DPF2: variants seen among roughly 807,000 people sequenced by gnomAD.
DPF2 encodes the protein double PHD fingers 2, also known as zinc finger protein ubi-d4.
In DPF2, 10 loss-of-function variants were observed where a neutral mutation model predicts 59.6. The ratio of observed to expected loss-of-function variants is 0.17; its 90% CI spans 0.10 to 0.28. DPF2 has a LOEUF of 0.28. Ranked by LOEUF, DPF2 falls within the 10% of genes least tolerant of loss-of-function variation. DPF2 has a pLI of 1.00. For missense variants in DPF2, 315 were observed against 509.4 expected, an observed-to-expected ratio of 0.62 and a Z score of 3.67; for synonymous variants, 189 against 190.6, an observed-to-expected ratio of 0.99 and a Z score of 0.07.
At chr11:65,341,208 A>G in intron 3 of DPF2, 135 bp downstream of exon 3, 1 of 1,250,798 alleles carries the variant, frequency 8.0e-7, no homozygotes. Context: ...TCCTTTAAGG[A>G]CCTCAGTCTA....
chr11:65,346,397 T>G (rs546882461), intron 9 of DPF2, 38 bp downstream of exon 9: 7 of 1,582,704 alleles, frequency 4.4e-6, no homozygotes, highest in Admixed American at 3.4e-5. Context: ...TGGCTCCTTC[T>G]GGGCTTTTAC....
chr11:65,345,318 A>G (rs983671600), intron 6 of DPF2: 3 of 250,290 alleles, frequency 1.2e-5, no homozygotes, highest in African/African-American at 6.6e-5. Context: ...ATATAGGAAT[A>G]TCCTTCCCTT....
intron 1 of DPF2, among the ~76,000 whole-genome samples, chr11:65,337,033 A>T (rs1416881571): frequency 6.6e-6 from 1 of 152,180 alleles, no homozygotes; most frequent in Non-Finnish European, 1.5e-5. Context: ...ACACCACTGC[A>T]CTCCAGCCCA....
chr11:65,338,101 TTTTTTA>T (rs1590930385), intron 1 of DPF2, among the ~76,000 whole-genome samples: 1 of 152,104 alleles, frequency 6.6e-6, no homozygotes, highest in African/African-American at 2.4e-5. Context: ...GCGCCAGGCC[TTTTTTA>T]TTTTTATTTT....
chr11:65,337,498 TATATATA>T (rs1854217638), intron 1 of DPF2, among the ~76,000 whole-genome samples: 2 of 48,030 alleles, frequency 4.2e-5, no homozygotes, highest in African/African-American at 1.7e-4. Context: ...TATATATATA[TATATATA>T]GAGAGAGAGA....
chr11:65,340,337 T>C, intron 1 of DPF2, 48 bp from the exon 2 acceptor site: 2 of 1,601,166 alleles, frequency 1.2e-6, no homozygotes, highest in Non-Finnish European at 1.7e-6. Flanking sequence ...CTCAGCACCC[T>C]ATGCCCCCCG....
intron 6 of DPF2, chr11:65,344,734 G>A: frequency 8.3e-7 from 1 of 1,211,792 alleles, no homozygotes; most frequent in Non-Finnish European, 1.2e-6. Context: ...CTCTGGAATG[G>A]CATGGGGGTA....
rs1053469725 is a variant in DPF2 at position 65,348,996 on chromosome 11, C to A, written c.1099+65C>A. ...TTAGTTACTTGGAAAATACTGAGTT[C>A]TATGTTCTTTATGTTATCACTTACA... is the stretch of plus-strand genomic sequence containing the variant. On this transcript the variant is annotated intron_variant, in intron 10 of 10. Coordinates refer to ENST00000528416, the MANE Select transcript of DPF2 (RefSeq NM_006268.5). 1.3e-5 allele frequency: 21 copies of A among 1,561,502 alleles called. No individual in the cohort carries two copies. In the East Asian group the frequency reaches 3.6e-4, roughly 27 times the overall value.
chr11:65,337,492 T>TAG (rs1854213357), intron 1 of DPF2, among the ~76,000 whole-genome samples: 2 of 67,418 alleles, frequency 3.0e-5, no homozygotes, highest in Non-Finnish European at 5.6e-5. Context: ...TATATATATA[T>TAG]ATATATATAT....
chr11:65,344,115 C>T (rs1223988431), intron 6 of DPF2, 46 bp downstream of exon 6: 2 of 1,587,574 alleles, frequency 1.3e-6, no homozygotes, highest in Non-Finnish European at 1.7e-6. Context: ...TTGGACCCAG[C>T]TCCTGCTCTG....
intron 1 of DPF2, among the ~76,000 whole-genome samples, chr11:65,337,047 G>A (rs570117566): frequency 1.3e-5 from 2 of 152,272 alleles, no homozygotes; most frequent in African/African-American, 4.8e-5. Flanking sequence ...CAGCCCAGGC[G>A]ACAGAGCGAG....
chr11:65,350,022 G>A (rs1047188682), intron 10 of DPF2, among the ~76,000 whole-genome samples: 2 of 152,204 alleles, frequency 1.3e-5, no homozygotes, highest in African/African-American at 4.8e-5. Flanking sequence ...CTGTAGGGGA[G>A]TACTCAGCTT....
In DPF2 at chr11:65,351,874, G is replaced by A; in HGVS notation, c.*115G>A. ...TCCTTCACAAATCCAGAGAACCTTG[G>A]GGTGGTTGTGCCAGCCTGCCTTTGG... On this transcript the variant is annotated 3_prime_UTR_variant, in exon 11 of 11. Transcript: ENST00000528416. The A allele has an allele frequency of 1.6e-6, 2 of 1,244,196 alleles. No individual in the cohort carries two copies. Among genetic ancestry groups the A allele is most frequent in the Non-Finnish European group, 2.3e-6 (2 of 884,086 alleles). 77.1% of individuals were successfully genotyped at this position (1,244,196 alleles called of 1,614,324 possible). A position where few individuals can be genotyped will look rare whatever the true frequency, so the allele number is the denominator to read the frequency against.
In DPF2 at chr11:65,351,889, C is replaced by A; in HGVS notation, c.*130C>A. 1 of 1,085,704 alleles carries A rather than the reference C, an allele frequency of 9.2e-7. No individual in the cohort carries two copies. The highest frequency in any genetic ancestry group is 1.3e-6 in the Non-Finnish European group (1 of 751,494). The allele number at this position is 1,085,704 out of a possible 1,614,324, so 67.3% of individuals were successfully genotyped here. The stretch of plus-strand genomic sequence containing the variant: ...GAGAACCTTGGGGTGGTTGTGCCAG[C>A]CTGCCTTTGGCAGCTGCAAGCTGAG... On this transcript the variant is annotated 3_prime_UTR_variant, in exon 11 of 11. Transcript: ENST00000528416.
chr11:65,346,847 C>A, intron 9 of DPF2: 1 of 156,542 alleles, frequency 6.4e-6, no homozygotes. Context: ...GCGCCAAGGC[C>A]TTATGTTGGA....
intron 1 of DPF2, among the ~76,000 whole-genome samples, chr11:65,340,130 T>G (rs771178775): frequency 2.0e-5 from 3 of 152,194 alleles, no homozygotes; most frequent in Non-Finnish European, 2.9e-5. Flanking sequence ...CTTTGGGGGT[T>G]AAACTTAAGT....
rs1168637515 is a variant in DPF2, at chr11:65,353,983, A to G, written c.*2224A>G. Among the ~76,000 whole-genome samples, 1 of 152,156 alleles carries G rather than the reference A, an allele frequency of 6.6e-6. No homozygotes were observed. Among genetic ancestry groups the G allele is most frequent in the Non-Finnish European group, 1.5e-5 (1 of 68,012 alleles). On this transcript the variant is annotated 3_prime_UTR_variant, in exon 11 of 11. Transcript: ENST00000528416. Reference sequence around the variant, plus strand: ...GCAGGCCTAGGTGAGGAAATTTAGGAAGGGTTTGCGGGAGGTAGGATTTGA... The same window carrying G: ...GCAGGCCTAGGTGAGGAAATTTAGGGAGGGTTTGCGGGAGGTAGGATTTGA...
chr11:65,341,012 G>A lies in DPF2; in HGVS notation c.240G>A (p.Arg80=). ...QLYSYPARRW[R]KKRRAHPPED... is the part of the protein sequence containing the mutation. ...ACTCCTACCCTGCCCGGCGCTGGCGGAAAAAGCGGCGAGCCCATCCCCCTG... is the reference window on the plus strand; with the variant it reads ...ACTCCTACCCTGCCCGGCGCTGGCGAAAAAAGCGGCGAGCCCATCCCCCTG... The change falls in exon 3 of 11, where the codon CGG becomes CGA. Residue 80 remains arginine, a synonymous_variant. Coordinates refer to ENST00000528416, the MANE Select transcript of DPF2 (RefSeq NM_006268.5). 1 of 1,614,128 alleles carries A rather than the reference G, an allele frequency of 6.2e-7. No individual in the cohort carries two copies. Among genetic ancestry groups the A allele is most frequent in the Non-Finnish European group, 8.5e-7 (1 of 1,180,026 alleles).
At chr11:65,349,884 G>A (rs1022026912) in intron 10 of DPF2, among the ~76,000 whole-genome samples, 3 of 152,062 alleles carry the variant, frequency 2.0e-5, no homozygotes, top group African/African-American at 7.2e-5. Context: ...AAAGGATGTG[G>A]GCCAGCATTA....
Sources: gnomAD v4.1 joint callset for allele counts (sites outside exome capture counted in the v4.1 genomes callset) on GRCh38, gnomAD v4.1.1 for gene constraint, MANE v1.5 for transcripts, NCBI Gene and HGNC (gene_info 2026-07-23, HGNC 2026-07-21) for gene names.